MAD1L1: variants seen among roughly 807,000 people sequenced by gnomAD.
MAD1L1 encodes mitotic arrest deficient 1 like 1.
A neutral mutation model predicts 96.9 loss-of-function variants in MAD1L1; 95 were observed. The ratio of observed to expected loss-of-function variants is 0.98; its 90% CI spans 0.83 to 1.16. The LOEUF (loss-of-function observed/expected upper bound fraction) is 1.16. MAD1L1 is among the 50% of genes most tolerant of loss of function. MAD1L1 has a pLI of 0.00. For missense variants in MAD1L1, 1,007 were observed against 954.4 expected (o/e 1.06, Z -0.73); for synonymous variants, 473 against 396.6 (o/e 1.19, Z -2.29).
intron 10 of MAD1L1, among the ~76,000 whole-genome samples, chr7:2,195,069 C>T (rs1791916500): frequency 6.7e-6 from 1 of 149,430 alleles, no homozygotes; most frequent in Non-Finnish European, 1.5e-5. Context: ...GCCTGGGCAA[C>T]ACAGCAAGAC....
At chr7:2,075,610 G>A (rs901386305) in intron 11 of MAD1L1, among the ~76,000 whole-genome samples, 1 of 152,098 alleles carries the variant, frequency 6.6e-6, no homozygotes, top group South Asian at 2.1e-4. Context: ...GGCTCTCTGA[G>A]CCAGCCTCTA....
intron 17 of MAD1L1, among the ~76,000 whole-genome samples, chr7:1,925,380 G>A (rs145020532): frequency 2.6e-5 from 4 of 152,142 alleles, no homozygotes; most frequent in South Asian, 2.1e-4. Flanking sequence ...TATTGGCGGC[G>A]CTATCACAGA....
chr7:1,987,273 G>A (rs1781194533), intron 14 of MAD1L1, among the ~76,000 whole-genome samples: 1 of 152,224 alleles, frequency 6.6e-6, no homozygotes, highest in South Asian at 2.1e-4. Flanking sequence ...AGGAGACGTG[G>A]TAACCATGTA....
At chr7:2,094,862 T>TG (rs1002942333) in intron 11 of MAD1L1, among the ~76,000 whole-genome samples, 24 of 151,542 alleles carry the variant, frequency 1.6e-4, no homozygotes, top group East Asian at 5.8e-4. Context: ...GAACAGGAAG[T>TG]GGGGGGGCAG....
intron 10 of MAD1L1, among the ~76,000 whole-genome samples, chr7:2,209,496 C>T (rs773384865): frequency 3.3e-5 from 5 of 152,228 alleles, no homozygotes; most frequent in East Asian, 1.9e-4. Context: ...AAGCGCCCCC[C>T]TGAAGGCAGT....
chr7:2,009,181 C>T (rs949100951), intron 13 of MAD1L1, among the ~76,000 whole-genome samples: 5 of 152,194 alleles, frequency 3.3e-5, no homozygotes, highest in African/African-American at 7.2e-5. Flanking sequence ...TTGGCACCAC[C>T]GAGGTGCTGC....
intron 18 of MAD1L1, among the ~76,000 whole-genome samples, chr7:1,895,971 G>C (rs541826802): frequency 6.6e-6 from 1 of 152,254 alleles, no homozygotes; most frequent in South Asian, 2.1e-4. Flanking sequence ...CTAGGAAGGC[G>C]GGCAGGATGC....
intron 12 of MAD1L1, among the ~76,000 whole-genome samples, chr7:2,044,634 G>A (rs1176773155): frequency 2.6e-5 from 4 of 152,130 alleles, no homozygotes; most frequent in Admixed American, 2.0e-4. Context: ...CCAGGCGATC[G>A]ACCACACAAG....
At chr7:2,210,459 G>A (rs918924538) in intron 10 of MAD1L1, among the ~76,000 whole-genome samples, 3 of 133,036 alleles carry the variant, frequency 2.3e-5, no homozygotes, top group Non-Finnish European at 5.1e-5. Context: ...CTCTCTAGGA[G>A]CCGTATTCGG....
At chr7:1,855,540 C>G (rs185479693) in intron 18 of MAD1L1, among the ~76,000 whole-genome samples, 1 of 151,950 alleles carries the variant, frequency 6.6e-6, no homozygotes, top group African/African-American at 2.4e-5. Context: ...AAACACGGCC[C>G]GGGCCCAGCC....
intron 11 of MAD1L1, among the ~76,000 whole-genome samples, chr7:2,147,255 G>A (rs1038550570): frequency 6.6e-6 from 1 of 152,122 alleles, no homozygotes; most frequent in African/African-American, 2.4e-5. Flanking sequence ...CCGCCCCCCA[G>A]GACCTGCAGG....
At chr7:1,965,092 T>C (rs1780107351) in intron 15 of MAD1L1, among the ~76,000 whole-genome samples, 1 of 152,254 alleles carries the variant, frequency 6.6e-6, no homozygotes, top group African/African-American at 2.4e-5. Context: ...TTTCCAGCCC[T>C]GATCATGGTG....
chr7:1,855,457 CA>C (rs1475329395), intron 18 of MAD1L1, among the ~76,000 whole-genome samples: 3 of 152,064 alleles, frequency 2.0e-5, no homozygotes, highest in African/African-American at 7.2e-5. Flanking sequence ...GGAAAGGCTG[CA>C]CCTCAACGCC....
intron 10 of MAD1L1, among the ~76,000 whole-genome samples, chr7:2,194,055 T>C (rs1445582285): frequency 6.8e-6 from 1 of 146,018 alleles, no homozygotes; most frequent in Non-Finnish European, 1.5e-5. Context: ...GTGATCCTCC[T>C]GACTTGGCCT....
At chr7:1,973,482 A>C (rs4721265) in intron 15 of MAD1L1, among the ~76,000 whole-genome samples, 150,222 of 152,114 alleles carry the variant, frequency 0.99, 74,203 homozygotes, top group East Asian at 1. Flanking sequence ...GGGCCACGGA[A>C]GGGTGGATGC....
chr7:2,074,203 G>T (rs775021973), intron 11 of MAD1L1, among the ~76,000 whole-genome samples: 6 of 152,154 alleles, frequency 3.9e-5, no homozygotes, highest in Non-Finnish European at 8.8e-5. Flanking sequence ...GGCTCGCTGG[G>T]CCTCCATTCT....
intron 18 of MAD1L1, among the ~76,000 whole-genome samples, chr7:1,897,625 G>A (rs10267593): frequency 0.25 from 38,305 of 152,214 alleles, 5,500 homozygotes; most frequent in African/African-American, 0.39. Context: ...CCGCTCGCCC[G>A]AGGACTCTTC....
chr7:1,908,641 G>GT (rs1787824696), intron 17 of MAD1L1, among the ~76,000 whole-genome samples: 1 of 152,160 alleles, frequency 6.6e-6, no homozygotes, highest in South Asian at 2.1e-4. Context: ...GATGACGGGT[G>GT]TGAGCCCCGC....
intron 10 of MAD1L1, among the ~76,000 whole-genome samples, chr7:2,198,083 GT>G (rs78102383): frequency 0.033 from 4,467 of 134,146 alleles, 97 homozygotes; most frequent in South Asian, 0.087. Context: ...ATGAGTTTGG[GT>G]TTTTTTTTTT....
Sources: allele counts gnomAD v4.1 joint callset (sites outside exome capture counted in the v4.1 genomes callset), GRCh38; gene constraint gnomAD v4.1.1; transcripts MANE v1.5; gene names NCBI Gene and HGNC (gene_info 2026-07-23, HGNC 2026-07-21).